ABCC6: variants seen among roughly 807,000 people sequenced by gnomAD.
ABCC6 encodes the protein ATP-binding cassette sub-family C member 6.
Under a neutral mutation model 169.5 loss-of-function variants are expected in ABCC6, and 126 were observed. The ratio of observed to expected loss-of-function variants is 0.74; its 90% CI spans 0.64 to 0.86. The LOEUF is 0.86. ABCC6 is among the 40% of genes least tolerant of loss of function. The probability of loss-of-function intolerance (pLI) is 0.00; values close to 1 mark genes in which losing one functional copy is unlikely to be tolerated. For missense variants in ABCC6, 1,733 were observed against 1,927.2 expected (o/e 0.90, Z 1.89); for synonymous variants, 752 against 814.7 (o/e 0.92, Z 1.31).
chr16:16,214,384 C>G lies in ABCC6; in HGVS notation c.540G>C (p.Gln180His), dbSNP rs1219366235. 6.4e-7 allele frequency: 1 copy of G among 1,551,258 alleles called. No individual in the cohort carries two copies. The highest frequency in any genetic ancestry group is 2.0e-5 in the Admixed American group (1 of 50,970). Reference sequence around the variant, plus strand: ...GATCCGCCAGGCAGGACAGCACAAACTGTGCCACCACCAGAGACAGGCATA... The same window carrying G: ...GATCCGCCAGGCAGGACAGCACAAAGTGTGCCACCACCAGAGACAGGCATA... The part of the protein sequence containing the change: ...TYLCLSLVVA[Q>H]FVLSCLADQP... Residue 180 changes from glutamine (Q) to histidine (H), a missense_variant, in exon 5 of 31, where the codon CAG (glutamine) becomes CAC (histidine). Physicochemically the swap from Gln to His is conservative, Grantham distance 24 (BLOSUM62 0). Coordinates refer to ENST00000205557, the MANE Select transcript of ABCC6 (RefSeq NM_001171.6).
Position 16,192,694 on chromosome 16 carries a change from G to A in ABCC6, c.1431+136C>T, listed in dbSNP as rs1055506414. 3.8e-6 allele frequency: 3 copies of A among 789,416 alleles called. No individual in the cohort carries two copies. In the African/African-American group the frequency reaches 5.1e-5, roughly 13 times the overall value. The allele number at this position is 789,416 out of a possible 1,614,324, so 48.9% of individuals were successfully genotyped here. A position where few individuals can be genotyped will look rare whatever the true frequency, so the allele number is the denominator to read the frequency against. ...GGGAGGGGGTGCAGGTCTGAGTGAT[G>A]GGCAGCTCACAGACGACAAGAACAA... On this transcript the variant is annotated intron_variant, in intron 11 of 30. Coordinates refer to ENST00000205557, the MANE Select transcript of ABCC6 (RefSeq NM_001171.6).
At chr16:16,159,660 C>A in intron 25 of ABCC6, 77 bp from the exon 26 acceptor site, 1 of 1,374,504 alleles carries the variant, frequency 7.3e-7, no homozygotes, top group South Asian at 1.2e-5. Context: ...GGTTTCCCAA[C>A]CTTTTCTGGG....
Position 16,221,757 on chromosome 16 carries a change from G to C in ABCC6, c.111C>G (p.Val37=), listed in dbSNP as rs1194646334. 5.6e-6 allele frequency: 9 copies of C among 1,613,696 alleles called. No homozygotes were observed. The South Asian group carries it at 9.9e-5, about 18-fold the overall frequency. The stretch of plus-strand genomic sequence containing the variant: ...CCCAGAGGTACATGGGGGGTACCCA[G>C]ACCCCTGCTGTTCTCAGGAAGCACA... ...LSLCFLRTAG[V]WVPPMYLWVL... The change falls in exon 2 of 31, where the codon GTC becomes GTG. Residue 37 remains valine (V), a synonymous_variant. Coordinates refer to ENST00000205557, the MANE Select transcript of ABCC6 (RefSeq NM_001171.6).
At chr16:16,214,612 CT>C (rs965798298) in intron 4 of ABCC6, among the ~76,000 whole-genome samples, 163 bp from the exon 5 acceptor site, 14 of 148,814 alleles carry the variant, frequency 9.4e-5, no homozygotes, top group East Asian at 2.0e-4. Context: ...TTCTTTCTTT[CT>C]TTTTTTTTTA....
chr16:16,154,953 C>T lies in ABCC6; in HGVS notation c.3961G>A (p.Gly1321Ser), dbSNP rs63749823. The change falls in exon 28 of 31, where the codon GGT (glycine) becomes AGT (serine). Residue 1321 changes from glycine (G) to serine (S), a missense_variant. Gly to Ser is a moderately conservative substitution (Grantham distance 56). Around this residue, in one of 5 missense-constraint regions of ABCC6, gnomAD observed 1,601 missense variants for 1,635.5 expected, o/e 0.98. Coordinates refer to ENST00000205557, the MANE Select transcript of ABCC6 (RefSeq NM_001171.6). The stretch of plus-strand genomic sequence containing the variant: ...GGGACCCCGTCGATCCAGATCCCAC[C>T]CTCAGCTGCCTCCTGGAGCCGCAGC... ...GLLRLQEAAE[G>S]GIWIDGVPIA... 1 of 1,588,370 alleles carries T rather than the reference C, an allele frequency of 6.3e-7. No individual in the cohort carries two copies. Among genetic ancestry groups the T allele is most frequent in the Non-Finnish European group, 8.6e-7 (1 of 1,167,840 alleles).
intron 20 of ABCC6, among the ~76,000 whole-genome samples, chr16:16,174,759 A>ACCGCCC (rs200038324): frequency 1.2e-5 from 1 of 84,482 alleles, no homozygotes; most frequent in African/African-American, 3.5e-5. Flanking sequence ...TCTGTCTCAA[A>ACCGCCC]ACCCCCCCCC....
At chr16:16,165,048 A>G (rs1209928947) in intron 23 of ABCC6, among the ~76,000 whole-genome samples, 2 of 152,240 alleles carry the variant, frequency 1.3e-5, no homozygotes, top group Admixed American at 1.3e-4. Flanking sequence ...TTTGGCTTCC[A>G]GATAATTGGA....
chr16:16,204,490 G>A (rs2048333562), intron 7 of ABCC6, among the ~76,000 whole-genome samples: 1 of 152,208 alleles, frequency 6.6e-6, no homozygotes, highest in African/African-American at 2.4e-5. Context: ...ATGGGGCCTG[G>A]TGCTCTAGCT....
intron 15 of ABCC6, 107 bp from the exon 16 acceptor site, chr16:16,183,037 A>C: frequency 1.3e-6 from 2 of 1,546,748 alleles, no homozygotes; most frequent in Non-Finnish European, 1.8e-6. Flanking sequence ...GGGAGTCTCC[A>C]AGAGGACCTG....
intron 4 of ABCC6, among the ~76,000 whole-genome samples, chr16:16,216,786 T>C (rs1230186728): frequency 6.8e-6 from 1 of 146,850 alleles, no homozygotes; most frequent in Non-Finnish European, 1.5e-5. Flanking sequence ...GTTCTGGTCT[T>C]TTGGCTACCA....
At chr16:16,189,591 T>C (rs2047773240) in intron 12 of ABCC6, among the ~76,000 whole-genome samples, 1 of 152,138 alleles carries the variant, frequency 6.6e-6, no homozygotes, top group South Asian at 2.1e-4. Context: ...CTAATTTTTG[T>C]ATTTTTAGTA....
At chr16:16,207,822 G>T (rs1482371754) in intron 7 of ABCC6, among the ~76,000 whole-genome samples, 1 of 151,054 alleles carries the variant, frequency 6.6e-6, no homozygotes, top group East Asian at 1.9e-4. Flanking sequence ...AGGCTCTAAG[G>T]GCTGCAGAGA....
intron 23 of ABCC6, among the ~76,000 whole-genome samples, chr16:16,164,602 G>A (rs1239308461): frequency 6.6e-6 from 1 of 152,202 alleles, no homozygotes; most frequent in Non-Finnish European, 1.5e-5. Context: ...TTGCTAAGGT[G>A]AGATGATATG....
Position 16,173,422 on chromosome 16 carries a change from T to G in ABCC6, c.2667-18A>C. The G allele has an allele frequency of 2.5e-6, 4 of 1,614,022 alleles. No homozygotes were observed. The highest frequency in any genetic ancestry group is 2.5e-6 in the Non-Finnish European group (3 of 1,179,986). On this transcript the variant is annotated intron_variant, in intron 20 of 30. Coordinates refer to ENST00000205557, the MANE Select transcript of ABCC6 (RefSeq NM_001171.6). ...TGATGGACCTGTCATTTAGAGGAAA[T>G]GAAGACAAAGTCAGTATCTCTCCCA...
chr16:16,181,211 G>C (rs1334873064), intron 17 of ABCC6, among the ~76,000 whole-genome samples: 1 of 151,988 alleles, frequency 6.6e-6, no homozygotes, highest in Admixed American at 6.6e-5. Flanking sequence ...ATGAGGCTGA[G>C]GTGGGAGGAT....
chr16:16,149,887 G>T lies in ABCC6; in HGVS notation c.*246C>A. 6 of 595,088 alleles carry T rather than the reference G, an allele frequency of 1.0e-5. No homozygotes were observed. The highest frequency in any genetic ancestry group is 4.6e-4 in the Middle Eastern group (1 of 2,178). 36.9% of individuals were successfully genotyped at this position (595,088 alleles called of 1,614,324 possible). A position where few individuals can be genotyped will look rare whatever the true frequency, so the allele number is the denominator to read the frequency against. On this transcript the variant is annotated 3_prime_UTR_variant, in exon 31 of 31. Coordinates refer to ENST00000205557, the MANE Select transcript of ABCC6 (RefSeq NM_001171.6). Reference sequence around the variant, plus strand: ...TACAGCGGGGCTGAGAGTCGCTGTTGACATTGGCTGCAGGGTGGACAGGGC... The same window carrying T: ...TACAGCGGGGCTGAGAGTCGCTGTTTACATTGGCTGCAGGGTGGACAGGGC...
chr16:16,159,886 C>G (rs2046660961), intron 25 of ABCC6, among the ~76,000 whole-genome samples: 1 of 152,134 alleles, frequency 6.6e-6, no homozygotes, highest in South Asian at 2.1e-4. Flanking sequence ...GTGGCCCTCC[C>G]AAGGACACAC....
rs746009029 is a variant in ABCC6, at chr16:16,154,632, G to C, written c.4204C>G (p.Leu1402Val). 1.2e-6 allele frequency: 2 copies of C among 1,612,014 alleles called. No homozygotes were observed. The highest frequency in any genetic ancestry group is 1.1e-5 in the South Asian group (1 of 90,976). ...QYKCADRGED[L>V]SVGQKQLLCL... is the part of the protein sequence containing the mutation. ...GCCATGGTGGGACGACCATACCTCA[G>C]GTCCTCGCCTCGGTCAGCACACTTG... Residue 1402 changes from leucine to valine, a missense_variant, in exon 29 of 31, where the codon CTG becomes GTG. Physicochemically the swap from Leu to Val is conservative, Grantham distance 32 (BLOSUM62 1). Transcript: ENST00000205557.
In ABCC6 at chr16:16,187,225, A is replaced by C; in HGVS notation, c.1780-14T>G. 1 of 1,610,594 alleles carries C rather than the reference A, an allele frequency of 6.2e-7. No individual in the cohort carries two copies. Among genetic ancestry groups the C allele is most frequent in the Non-Finnish European group, 8.5e-7 (1 of 1,178,114 alleles). ...GGACACCCGGGCCTAGGAAAACCGAAGCCGCAGGTCACCCAGCAAGAAGAG... is the reference window on the plus strand; with the variant it reads ...GGACACCCGGGCCTAGGAAAACCGACGCCGCAGGTCACCCAGCAAGAAGAG... On this transcript the variant is annotated splice_polypyrimidine_tract_variant and intron_variant, in intron 13 of 30. Transcript: ENST00000205557.
Sources: gnomAD v4.1 joint callset for allele counts (sites outside exome capture counted in the v4.1 genomes callset) on GRCh38, gnomAD v4.1.1 for gene constraint, gnomAD v4.1.1 regional missense constraint, MANE v1.5 for transcripts, NCBI Gene and HGNC (gene_info 2026-07-23, HGNC 2026-07-21) for gene names.